The following ARHGAP24 variants were observed in gnomAD, a reference collection of about 807,000 sequenced individuals.
ARHGAP24 encodes Rho GTPase activating protein 24, also known as rho GTPase-activating protein 24.
Under a neutral mutation model 76.4 loss-of-function variants are expected in ARHGAP24, and 50 were observed. That is an observed-to-expected ratio of 0.65 (90% confidence interval 0.52 to 0.83). The LOEUF (loss-of-function observed/expected upper bound fraction) is 0.83, where lower values mean the gene tolerates loss of function less well. Among genes scored for constraint, ARHGAP24 ranks in the 40% least tolerant of loss-of-function variants. The pLI, the probability that ARHGAP24 is intolerant of heterozygous loss-of-function variation, is 0.00. For missense variants in ARHGAP24, 930 were observed against 914.2 expected (o/e 1.02, Z -0.22); for synonymous variants, 345 against 323.3 (o/e 1.07, Z -0.72).
chr4:85,587,772 A>G (rs1010391382), intron 2 of ARHGAP24, among the ~76,000 whole-genome samples: 1 of 152,018 alleles, frequency 6.6e-6, no homozygotes, highest in Non-Finnish European at 1.5e-5. Context: ...TTCCTTCTGC[A>G]TTTATTCATG....
At chr4:85,852,514 TG>T (rs1731295190) in intron 3 of ARHGAP24, among the ~76,000 whole-genome samples, 1 of 152,222 alleles carries the variant, frequency 6.6e-6, no homozygotes, top group African/African-American at 2.4e-5. Flanking sequence ...TGTGATCCTT[TG>T]GAGGAGAAGA....
chr4:85,886,814 C>T lies in ARHGAP24; in HGVS notation c.269-36834C>T, dbSNP rs534968162. 3.3e-5 allele frequency among the ~76,000 whole-genome samples: 5 copies of T among 152,112 alleles called. No individual in the cohort carries two copies. The East Asian group carries it at 9.7e-4, about 29-fold the overall frequency. ...CTCCACACTGATATGAAAATAATAG[C>T]TCATTTATGTTTTGATACAAGAGAA... On this transcript the variant is annotated intron_variant, in intron 3 of 9. Transcript: ENST00000395184.
intron 3 of ARHGAP24, among the ~76,000 whole-genome samples, chr4:85,808,020 C>G (rs1728864756): frequency 6.6e-6 from 1 of 152,092 alleles, no homozygotes. Context: ...TTTTTTATTA[C>G]TAATTCACTC....
intron 3 of ARHGAP24, among the ~76,000 whole-genome samples, chr4:85,905,268 A>G (rs1734708533): frequency 6.6e-6 from 1 of 152,090 alleles, no homozygotes; most frequent in Non-Finnish European, 1.5e-5. Flanking sequence ...TGATTTACTA[A>G]CCAGCATTTT....
At chr4:85,796,667 A>G (rs1728354321) in intron 3 of ARHGAP24, among the ~76,000 whole-genome samples, 1 of 152,164 alleles carries the variant, frequency 6.6e-6, no homozygotes, top group Admixed American at 6.5e-5. Flanking sequence ...AATAAGTAAA[A>G]AGTACTCTAA....
chr4:85,886,092 T>C (rs1177007091), intron 3 of ARHGAP24, among the ~76,000 whole-genome samples: 2 of 152,152 alleles, frequency 1.3e-5, no homozygotes, highest in Non-Finnish European at 2.9e-5. Flanking sequence ...TGTATCCAGA[T>C]TTATCTTTAA....
chr4:85,962,415 T>A (rs1738314374), intron 5 of ARHGAP24, among the ~76,000 whole-genome samples: 1 of 152,038 alleles, frequency 6.6e-6, no homozygotes, highest in Non-Finnish European at 1.5e-5. Context: ...TCTGAGTCAT[T>A]CCTGGGAGAA....
At chr4:85,744,682 G>T (rs1725960579) in intron 3 of ARHGAP24, among the ~76,000 whole-genome samples, 1 of 151,092 alleles carries the variant, frequency 6.6e-6, no homozygotes, top group African/African-American at 2.4e-5. Context: ...GTTACTTGTA[G>T]CTGTGACATT....
chr4:85,902,611 T>C (rs1293896538), intron 3 of ARHGAP24, among the ~76,000 whole-genome samples: 3 of 152,218 alleles, frequency 2.0e-5, no homozygotes, highest in Non-Finnish European at 4.4e-5. Context: ...TTTTTTATTT[T>C]TTATTTTTTT....
intron 1 of ARHGAP24, among the ~76,000 whole-genome samples, chr4:85,559,499 T>C (rs1726514046): frequency 6.6e-6 from 1 of 152,220 alleles, no homozygotes; most frequent in African/African-American, 2.4e-5. Flanking sequence ...CTTGAACATT[T>C]TCCTCCTGTC....
In ARHGAP24 at chr4:85,567,426, G is replaced by A. The variant is rs146522452; in HGVS notation, c.-20-3096G>A. On this transcript the variant is annotated intron_variant, in intron 1 of 9. Coordinates refer to ENST00000395184, the MANE Select transcript of ARHGAP24 (RefSeq NM_001025616.3). ...GAATTTACTGATTGATTTGATATCC[G>A]GGGTGAGGAAGAGTTATGAATCAAA... is the stretch of plus-strand genomic sequence containing the variant. Among the ~76,000 whole-genome samples, 1,316 of 152,266 alleles carry A rather than the reference G, an allele frequency of 8.6e-3. 7 individuals carry two copies. Among genetic ancestry groups the A allele is most frequent in the East Asian group, 0.015 (79 of 5,174 alleles).
intron 2 of ARHGAP24, among the ~76,000 whole-genome samples, chr4:85,690,871 TC>T (rs1723629350): frequency 6.6e-6 from 1 of 152,084 alleles, no homozygotes; most frequent in Admixed American, 6.5e-5. Context: ...TTTCTTTTCT[TC>T]TAATAGCTTT....
At chr4:85,925,159 A>T (rs2148813023) in intron 4 of ARHGAP24, among the ~76,000 whole-genome samples, 1 of 152,328 alleles carries the variant, frequency 6.6e-6, no homozygotes, top group East Asian at 1.9e-4. Context: ...CAGTCTGAAA[A>T]TATTAAATGG....
At chr4:85,764,061 T>C (rs1425511254) in intron 3 of ARHGAP24, among the ~76,000 whole-genome samples, 1 of 152,154 alleles carries the variant, frequency 6.6e-6, no homozygotes, top group Non-Finnish European at 1.5e-5. Flanking sequence ...GATTTTCAAA[T>C]ATACATATGT....
chr4:85,995,366 G>A lies in ARHGAP24; in HGVS notation c.1712G>A (p.Cys571Tyr). 6.2e-7 allele frequency: 1 copy of A among 1,614,032 alleles called. No homozygotes were observed. Among genetic ancestry groups the A allele is most frequent in the Non-Finnish European group, 8.5e-7 (1 of 1,179,994 alleles). ...TCCCTCCCTGAGAACTCCAACTCCT[G>A]TCGCTCTTCTACCACCACCTGCCCA... Reference protein sequence around the residue: ...EISLPENSNSCRSSTTTCPEQ... With the variant: ...EISLPENSNSYRSSTTTCPEQ... Residue 571 changes from cysteine to tyrosine, a missense_variant, in exon 9 of 10, where the codon TGT (cysteine) becomes TAT (tyrosine). Coordinates refer to ENST00000395184, the MANE Select transcript of ARHGAP24 (RefSeq NM_001025616.3).
At position 85,763,257 on chromosome 4, in the gene ARHGAP24, C is replaced by G. The variant is rs151215487; in HGVS notation, c.268+41285C>G. On this transcript the variant is annotated intron_variant, in intron 3 of 9. Coordinates refer to ENST00000395184, the MANE Select transcript of ARHGAP24 (RefSeq NM_001025616.3). Reference sequence around the variant, plus strand: ...ACTAGGCCATTTTTTTTATATTAGGCAAAAAACCAAATGCAGCAATCAGAA... The same window carrying G: ...ACTAGGCCATTTTTTTTATATTAGGGAAAAAACCAAATGCAGCAATCAGAA... Among the ~76,000 whole-genome samples the G allele has an allele frequency of 5.3e-5, 8 of 152,138 alleles. No homozygotes were observed. The East Asian group carries it at 1.5e-3, about 29-fold the overall frequency.
intron 3 of ARHGAP24, among the ~76,000 whole-genome samples, chr4:85,777,461 A>G (rs1193448139): frequency 6.6e-6 from 1 of 152,204 alleles, no homozygotes; most frequent in Admixed American, 6.5e-5. Context: ...AGCCAGATCA[A>G]ATGGAAAGAT....
chr4:85,978,269 A>G (rs1739451240), intron 8 of ARHGAP24, among the ~76,000 whole-genome samples: 1 of 152,210 alleles, frequency 6.6e-6, no homozygotes, highest in South Asian at 2.1e-4. Context: ...AAACTGGACT[A>G]ATTTATGATT....
At chr4:85,820,255 C>T (rs1219275963) in intron 3 of ARHGAP24, among the ~76,000 whole-genome samples, 1 of 152,124 alleles carries the variant, frequency 6.6e-6, no homozygotes, top group Non-Finnish European at 1.5e-5. Context: ...CAGCAGTAGA[C>T]TGGATAAAGA....
Sources: gnomAD v4.1 joint callset for allele counts (sites outside exome capture counted in the v4.1 genomes callset) on GRCh38, gnomAD v4.1.1 for gene constraint, MANE v1.5 for transcripts, NCBI Gene and HGNC (gene_info 2026-07-23, HGNC 2026-07-21) for gene names.